The following LRP1B variants were observed in gnomAD, a reference collection of about 807,000 sequenced individuals.
LRP1B encodes the protein low-density lipoprotein receptor-related protein 1B.
Under a neutral mutation model 556.6 loss-of-function variants are expected in LRP1B, and 217 were observed. That is an observed-to-expected ratio of 0.39 (90% CI 0.35 to 0.44). The LOEUF (loss-of-function observed/expected upper bound fraction) is 0.44, where lower values mean the gene tolerates loss of function less well. LRP1B is among the 20% of genes least tolerant of loss of function. The pLI, the probability that LRP1B is intolerant of heterozygous loss-of-function variation, is 1.00. For missense variants in LRP1B, 5,053 were observed against 5,620.8 expected (o/e 0.90, Z 3.23); for synonymous variants, 2,047 against 1,865.8 (o/e 1.10, Z -2.50).
At chr2:140,831,545 C>A (rs1236456211) in intron 31 of LRP1B, among the ~76,000 whole-genome samples, 1 of 152,084 alleles carries the variant, frequency 6.6e-6, no homozygotes, top group Non-Finnish European at 1.5e-5. Context: ...AAGCTTGAAT[C>A]TAAGATGTAA....
intron 3 of LRP1B, among the ~76,000 whole-genome samples, chr2:141,417,777 T>TA (rs1679964460): frequency 1.3e-5 from 2 of 148,790 alleles, no homozygotes; most frequent in African/African-American, 5.1e-5. Flanking sequence ...TTTTTTTTTT[T>TA]ACAAATCTCC....
chr2:140,402,308 G>A (rs1684539945), intron 66 of LRP1B, among the ~76,000 whole-genome samples: 2 of 152,156 alleles, frequency 1.3e-5, no homozygotes, highest in Admixed American at 6.6e-5. Context: ...AAAATCTGCA[G>A]CTTTACCCCA....
chr2:140,988,118 G>A (rs777330717), intron 17 of LRP1B, among the ~76,000 whole-genome samples: 3 of 152,042 alleles, frequency 2.0e-5, no homozygotes, highest in African/African-American at 7.2e-5. Flanking sequence ...TATCATTTGG[G>A]ATAAAGAGAA....
intron 86 of LRP1B, among the ~76,000 whole-genome samples, chr2:140,266,138 G>GT (rs372205675): frequency 0.037 from 5,503 of 150,260 alleles, 325 homozygotes; most frequent in African/African-American, 0.12. Context: ...CCTACTTACT[G>GT]TTTTTTTTTG....
chr2:140,405,331 C>G (rs1684684401), intron 66 of LRP1B, among the ~76,000 whole-genome samples: 1 of 151,894 alleles, frequency 6.6e-6, no homozygotes, highest in Admixed American at 6.6e-5. Flanking sequence ...CTAACTAAAC[C>G]CAAAGCCAGC....
chr2:140,462,077 G>A (rs1389438938), intron 60 of LRP1B, among the ~76,000 whole-genome samples: 2 of 152,116 alleles, frequency 1.3e-5, no homozygotes, highest in Non-Finnish European at 2.9e-5. Context: ...CTATGACTAT[G>A]TTTGGAAAGG....
At chr2:140,836,663 G>T (rs183006034) in intron 31 of LRP1B, among the ~76,000 whole-genome samples, 1 of 152,146 alleles carries the variant, frequency 6.6e-6, no homozygotes, top group African/African-American at 2.4e-5. Flanking sequence ...CTTCTTGTGG[G>T]TGTCTAAAAT....
chr2:141,177,306 A>C (rs937287497), intron 7 of LRP1B, among the ~76,000 whole-genome samples: 1 of 152,110 alleles, frequency 6.6e-6, no homozygotes, highest in East Asian at 1.9e-4. Flanking sequence ...TCAATCCACT[A>C]GAATTTCTGG....
At chr2:141,286,642 T>C (rs1160823887) in intron 3 of LRP1B, 3 of 408,012 alleles carry the variant, frequency 7.4e-6, no homozygotes, top group Non-Finnish European at 1.5e-5. Flanking sequence ...CTTTAATCGA[T>C]ACAAGAGAGA....
In LRP1B at chr2:141,043,402, G is replaced by A. The variant is rs546037607; in HGVS notation, c.1789+5584C>T. The stretch of plus-strand genomic sequence containing the variant: ...TCATCAATGCCACAACAAAAGAAGC[G>A]GCAAAATTATCACCCTTTTCAACCC... On this transcript the variant is annotated intron_variant, in intron 11 of 90. Transcript: ENST00000389484. Among the ~76,000 whole-genome samples the A allele has an allele frequency of 7.9e-5, 12 of 151,772 alleles. No homozygotes were observed. The East Asian group carries it at 9.7e-4, about 12-fold the overall frequency.
intron 27 of LRP1B, among the ~76,000 whole-genome samples, chr2:140,860,017 A>G (rs937847376): frequency 6.6e-6 from 1 of 152,060 alleles, no homozygotes; most frequent in Non-Finnish European, 1.5e-5. Context: ...ATAAATAAAA[A>G]TTAAAAAAAA....
At chr2:140,925,193 A>G (rs1316768471) in intron 20 of LRP1B, among the ~76,000 whole-genome samples, 3 of 152,154 alleles carry the variant, frequency 2.0e-5, no homozygotes, top group Non-Finnish European at 4.4e-5. Context: ...CAGGGTCCTG[A>G]AACCAATCCC....
Position 140,609,731 on chromosome 2 carries a change from T to C in LRP1B, c.6800-8092A>G, listed in dbSNP as rs74802902. On this transcript the variant is annotated intron_variant, in intron 41 of 90. Coordinates refer to ENST00000389484, the MANE Select transcript of LRP1B (RefSeq NM_018557.3). ...TTATGCCAAAAACGTATGTTGAGTG[T>C]TTCCATTTTGTTTTCCCTTTCCACA... Among the ~76,000 whole-genome samples, 1,260 of 152,290 alleles carry C rather than the reference T, an allele frequency of 8.3e-3. 15 individuals are homozygous for C. Among genetic ancestry groups the C allele is most frequent in the Middle Eastern group, 0.041 (12 of 294 alleles).
intron 3 of LRP1B, among the ~76,000 whole-genome samples, chr2:141,324,193 T>C (rs577450057): frequency 3.5e-5 from 5 of 144,844 alleles, no homozygotes; most frequent in Admixed American, 6.8e-5. Context: ...CACACACACA[T>C]ACACACATAC....
intron 2 of LRP1B, among the ~76,000 whole-genome samples, chr2:141,752,972 T>C (rs1326015313): frequency 7.3e-5 from 4 of 54,456 alleles, no homozygotes; most frequent in Non-Finnish European, 1.3e-4. Context: ...TTATGCTGGG[T>C]GCGGTGGCTC....
At chr2:141,724,438 C>T (rs1402953149) in intron 2 of LRP1B, among the ~76,000 whole-genome samples, 3 of 151,652 alleles carry the variant, frequency 2.0e-5, no homozygotes, top group Admixed American at 6.6e-5. Context: ...CACCAAAAAT[C>T]AAAATAAATG....
chr2:141,456,626 G>T (rs934617939), intron 3 of LRP1B, among the ~76,000 whole-genome samples: 5 of 152,154 alleles, frequency 3.3e-5, no homozygotes, highest in Non-Finnish European at 5.9e-5. Flanking sequence ...ATGTAATGCT[G>T]CAATAAGATA....
intron 2 of LRP1B, among the ~76,000 whole-genome samples, chr2:141,531,758 C>T (rs998256109): frequency 1.3e-5 from 2 of 152,008 alleles, no homozygotes; most frequent in Non-Finnish European, 2.9e-5. Flanking sequence ...TCTGTTCTGA[C>T]AGATTAGGGT....
chr2:142,016,912 ATATATG>A (rs1332992079), intron 1 of LRP1B, among the ~76,000 whole-genome samples: 1 of 149,832 alleles, frequency 6.7e-6, no homozygotes, highest in African/African-American at 2.4e-5. Flanking sequence ...ACATATATGT[ATATATG>A]TATATGTATG....
Sources: gnomAD v4.1 joint callset for allele counts (sites outside exome capture counted in the v4.1 genomes callset) on GRCh38, gnomAD v4.1.1 for gene constraint, MANE v1.5 for transcripts, NCBI Gene and HGNC (gene_info 2026-07-23, HGNC 2026-07-21) for gene names.